GPD2: variants seen among roughly 807,000 people sequenced by gnomAD.
The protein encoded by GPD2 is glycerol-3-phosphate dehydrogenase, mitochondrial.
In GPD2, 54 loss-of-function variants were observed where a neutral mutation model predicts 82.4. The ratio of observed to expected loss-of-function variants is 0.66; its 90% confidence interval spans 0.53 to 0.82. GPD2 has a LOEUF of 0.82. Ranked by LOEUF, GPD2 falls within the 40% of genes least tolerant of loss-of-function variation. The pLI is 0.00. For synonymous variants in GPD2, 288 were observed against 306.1 expected, an observed-to-expected ratio of 0.94 and a Z score of 0.62; for missense variants, 748 against 896.2, an observed-to-expected ratio of 0.83 and a Z score of 2.11.
At chr2:156,437,450 A>G (rs964426152) in intron 1 of GPD2, among the ~76,000 whole-genome samples, 24 of 152,118 alleles carry the variant, frequency 1.6e-4, no homozygotes, top group African/African-American at 5.8e-4. Context: ...CTTGCTGGCT[A>G]CCACATGACA....
At chr2:156,537,654 T>A (rs1170696615) in intron 6 of GPD2, among the ~76,000 whole-genome samples, 1 of 152,232 alleles carries the variant, frequency 6.6e-6, no homozygotes, top group African/African-American at 2.4e-5. Context: ...TCTTACTACA[T>A]GTCACCATTG....
intron 1 of GPD2, among the ~76,000 whole-genome samples, chr2:156,463,108 G>C (rs1244829124): frequency 1.3e-5 from 2 of 152,138 alleles, no homozygotes; most frequent in African/African-American, 4.8e-5. Flanking sequence ...ACTAAGTAAA[G>C]GCATTAATAG....
intron 6 of GPD2, among the ~76,000 whole-genome samples, chr2:156,540,242 C>T (rs1206258519): frequency 6.6e-6 from 1 of 152,250 alleles, no homozygotes; most frequent in Non-Finnish European, 1.5e-5. Context: ...CTGCTGACAT[C>T]TCTATTGCTG....
At chr2:156,510,754 T>C (rs1684964476) in intron 3 of GPD2, 42 bp from the exon 4 acceptor site, 1 of 1,540,340 alleles carries the variant, frequency 6.5e-7, no homozygotes, top group African/African-American at 1.4e-5. Flanking sequence ...TACATACAAA[T>C]TGTGTAATTT....
At chr2:156,523,084 A>T (rs948395190) in intron 6 of GPD2, among the ~76,000 whole-genome samples, 1 of 152,180 alleles carries the variant, frequency 6.6e-6, no homozygotes, top group African/African-American at 2.4e-5. Flanking sequence ...ATGAACCTAC[A>T]TGGACACATC....
At chr2:156,446,965 C>G (rs1243204083) in intron 1 of GPD2, among the ~76,000 whole-genome samples, 1 of 152,322 alleles carries the variant, frequency 6.6e-6, no homozygotes, top group South Asian at 2.1e-4. Flanking sequence ...TAATTCTTGA[C>G]TTAGAGGTGG....
chr2:156,564,963 G>T (rs1249029733), intron 9 of GPD2, among the ~76,000 whole-genome samples: 1 of 151,972 alleles, frequency 6.6e-6, no homozygotes, highest in East Asian at 1.9e-4. Context: ...ATTAAAAATG[G>T]TATCAATATA....
At chr2:156,403,353 G>A in the GPD2 span, among the ~76,000 whole-genome samples, 2 of 152,280 alleles carry the variant, frequency 1.3e-5, no homozygotes, top group South Asian at 4.1e-4. Flanking sequence ...AGAATAGTCA[G>A]CTAGGAGTTT....
chr2:156,566,915 G>T (rs1687413227), intron 9 of GPD2, among the ~76,000 whole-genome samples: 1 of 152,030 alleles, frequency 6.6e-6, no homozygotes, highest in South Asian at 2.1e-4. Context: ...ATTTTAATGG[G>T]TGTGAAGTGG....
rs572414173 is a variant in GPD2 at position 156,572,455 on chromosome 2, G to A, written c.1767+1163G>A. Reference sequence around the variant, plus strand: ...ACCGGTATCTGTCACATGGATTACCGCAATAGCTTCCCTCCCCTTAACTGG... The same window carrying A: ...ACCGGTATCTGTCACATGGATTACCACAATAGCTTCCCTCCCCTTAACTGG... On this transcript the variant is annotated intron_variant, in intron 13 of 16. Transcript: ENST00000438166. Among the ~76,000 whole-genome samples, 11 of 152,000 alleles carry A rather than the reference G, an allele frequency of 7.2e-5. No individual in the cohort carries two copies. The East Asian group carries it at 1.5e-3, about 21-fold the overall frequency.
At chr2:156,482,551 G>A (rs1683770199) in intron 2 of GPD2, among the ~76,000 whole-genome samples, 1 of 152,130 alleles carries the variant, frequency 6.6e-6, no homozygotes, top group South Asian at 2.1e-4. Flanking sequence ...AGGGAAAAAA[G>A]CTCTAACTTT....
At chr2:156,555,974 C>T (rs1244020713) in intron 8 of GPD2, among the ~76,000 whole-genome samples, 1 of 152,032 alleles carries the variant, frequency 6.6e-6, no homozygotes, top group Non-Finnish European at 1.5e-5. Context: ...GCGTTTCATG[C>T]GGCTGAGGGT....
Position 156,519,725 on chromosome 2 carries a change from G to A in GPD2, c.661+6229G>A, listed in dbSNP as rs56684618. ...GACCCTTCGTGGGACTTGCGACAGG[G>A]GTGTGGCTCGATTACCTGGCCGGGT... On this transcript the variant is annotated intron_variant, in intron 6 of 16. Coordinates refer to ENST00000438166, the MANE Select transcript of GPD2 (RefSeq NM_000408.5). Among the ~76,000 whole-genome samples the A allele has an allele frequency of 7.4e-3, 1,120 of 152,348 alleles. 12 individuals are homozygous for A. The highest frequency in any genetic ancestry group is 0.024 in the Middle Eastern group (7 of 294).
At position 156,571,296 on chromosome 2, in the gene GPD2, T is replaced by C; in HGVS notation, c.1767+4T>C. On this transcript the variant is annotated splice_donor_region_variant and intron_variant, in intron 13 of 16. Transcript: ENST00000438166. ...TTGGGATGATTATAAGAAGCAGGTA[T>C]TATATAGAAGTCTTTAAAACCACAA... The C allele has an allele frequency of 6.3e-7, 1 of 1,590,568 alleles. No individual in the cohort carries two copies. The highest frequency in any genetic ancestry group is 8.6e-7 in the Non-Finnish European group (1 of 1,165,022).
At chr2:156,572,432 C>T (rs1319704610) in intron 13 of GPD2, among the ~76,000 whole-genome samples, 1 of 152,048 alleles carries the variant, frequency 6.6e-6, no homozygotes, top group Non-Finnish European at 1.5e-5. Flanking sequence ...TTCAGGTCAC[C>T]GGTATCTGTC....
chr2:156,453,134 G>GT (rs1682673392), intron 1 of GPD2, among the ~76,000 whole-genome samples: 1 of 152,046 alleles, frequency 6.6e-6, no homozygotes, highest in Admixed American at 6.6e-5. Context: ...GTGGTTGCAT[G>GT]TTTTTTTTCC....
At chr2:156,574,185 T>C (rs1044965750) in intron 13 of GPD2, among the ~76,000 whole-genome samples, 1 of 151,864 alleles carries the variant, frequency 6.6e-6, no homozygotes. Flanking sequence ...GAGTTGGGGA[T>C]TGTTAGAGGA....
chr2:156,472,484 G>T (rs1351192141), intron 1 of GPD2, among the ~76,000 whole-genome samples: 1 of 151,962 alleles, frequency 6.6e-6, no homozygotes, highest in African/African-American at 2.4e-5. Context: ...CTACTGCCTG[G>T]CTAATTTTTG....
At chr2:156,572,558 A>G (rs1484691842) in intron 13 of GPD2, among the ~76,000 whole-genome samples, 1 of 152,152 alleles carries the variant, frequency 6.6e-6, no homozygotes, top group Non-Finnish European at 1.5e-5. Flanking sequence ...GTGAAATTCA[A>G]AGGGAAGGCT....
Sources: allele counts gnomAD v4.1 joint callset (sites outside exome capture counted in the v4.1 genomes callset), GRCh38; gene constraint gnomAD v4.1.1; transcripts MANE v1.5; gene names NCBI Gene and HGNC (gene_info 2026-07-23, HGNC 2026-07-21).